ERI1: variants seen among roughly 807,000 people sequenced by gnomAD.
ERI1 encodes 3'-5' exoribonuclease 1.
In ERI1, 39 loss-of-function variants were observed where a neutral mutation model predicts 39.7. The observed-to-expected ratio is 0.98, with a 90% confidence interval of 0.76 to 1.28. ERI1 has a LOEUF of 1.28. Ranked by LOEUF, ERI1 falls within the 50% of genes most tolerant of loss-of-function variation. ERI1 has a pLI of 0.00. For synonymous variants in ERI1, 204 were observed against 149.6 expected, an observed-to-expected ratio of 1.36 and a Z score of -2.65; for missense variants, 581 against 416.9, an observed-to-expected ratio of 1.39 and a Z score of -3.43.
At chr8:9,086,602 A>C (rs1799535338) in intron 3 of ERI1, among the ~76,000 whole-genome samples, 1 of 152,192 alleles carries the variant, frequency 6.6e-6, no homozygotes, top group African/African-American at 2.4e-5. Context: ...TTGACTCTTA[A>C]GAATGCATTG....
At position 9,016,301 on chromosome 8, in the gene ERI1, C is replaced by G. The variant is rs756530368; in HGVS notation, c.499-21C>G. On this transcript the variant is annotated intron_variant, in intron 3 of 6. Transcript: ENST00000250263. Reference sequence around the variant, plus strand: ...TCTTAACTCATATAAATTACTTTAACTTGCTATCCTTCCCTTGCAGGAAGA... The same window carrying G: ...TCTTAACTCATATAAATTACTTTAAGTTGCTATCCTTCCCTTGCAGGAAGA... The G allele has an allele frequency of 2.0e-6, 3 of 1,517,908 alleles. No homozygotes were observed. In the African/African-American group the frequency reaches 4.2e-5, roughly 21 times the overall value. 94.0% of individuals were successfully genotyped at this position (1,517,908 alleles called of 1,614,324 possible).
intron 3 of ERI1, among the ~76,000 whole-genome samples, chr8:9,048,901 C>G (rs1281709763): frequency 6.6e-6 from 1 of 152,064 alleles, no homozygotes; most frequent in Non-Finnish European, 1.5e-5. Flanking sequence ...TCCCCTCAGC[C>G]TCCCAAAGTG....
At chr8:9,086,721 A>G (rs1350624727) in intron 3 of ERI1, among the ~76,000 whole-genome samples, 1 of 152,226 alleles carries the variant, frequency 6.6e-6, no homozygotes, top group Non-Finnish European at 1.5e-5. Flanking sequence ...CTACCTAATC[A>G]AAGTGGTTAA....
chr8:9,060,454 G>A (rs575858654), intron 3 of ERI1, among the ~76,000 whole-genome samples: 23 of 152,208 alleles, frequency 1.5e-4, no homozygotes, highest in East Asian at 7.7e-4. Flanking sequence ...GGAGGGGGCC[G>A]GAACAATCCC....
intron 3 of ERI1, among the ~76,000 whole-genome samples, chr8:9,083,113 C>G (rs1173508907): frequency 6.6e-6 from 1 of 152,070 alleles, no homozygotes; most frequent in African/African-American, 2.4e-5. Flanking sequence ...GCTGATAACC[C>G]TAGAAAAGCC....
At chr8:9,007,604 A>G (rs1451595505) in intron 1 of ERI1, among the ~76,000 whole-genome samples, 1 of 152,182 alleles carries the variant, frequency 6.6e-6, no homozygotes, top group East Asian at 1.9e-4. Flanking sequence ...CATTTTATAG[A>G]TAAGGAAATT....
intron 3 of ERI1, chr8:9,088,430 A>G (rs1799594231): frequency 6.6e-6 from 1 of 152,224 alleles, no homozygotes; most frequent in African/African-American, 2.4e-5. Flanking sequence ...CATTCTGCTA[A>G]AGCTCTCGAC....
chr8:9,095,993 C>A (rs975312499), intron 3 of ERI1, among the ~76,000 whole-genome samples: 3 of 152,172 alleles, frequency 2.0e-5, no homozygotes, highest in Non-Finnish European at 4.4e-5. Flanking sequence ...CCCCTTGCGT[C>A]ATAGGCTGAC....
intron 6 of ERI1, among the ~76,000 whole-genome samples, chr8:9,022,007 A>T (rs1213905283): frequency 6.6e-6 from 1 of 151,474 alleles, no homozygotes; most frequent in Non-Finnish European, 1.5e-5. Flanking sequence ...TTCTAAGAAA[A>T]ACCTAAGAGT....
intron 3 of ERI1, among the ~76,000 whole-genome samples, chr8:9,094,047 A>G (rs1258224753): frequency 6.6e-6 from 1 of 152,064 alleles, no homozygotes; most frequent in African/African-American, 2.4e-5. Flanking sequence ...AGCTTCAACT[A>G]TTACTAATAA....
At chr8:9,097,102 C>G in intron 3 of ERI1, among the ~76,000 whole-genome samples, 1 of 152,240 alleles carries the variant, frequency 6.6e-6, no homozygotes, top group East Asian at 1.9e-4. Context: ...CCTTTCTTCT[C>G]TCTTCCCATT....
intron 3 of ERI1, among the ~76,000 whole-genome samples, chr8:9,060,567 G>A (rs918425401): frequency 2.0e-5 from 3 of 152,136 alleles, no homozygotes; most frequent in Non-Finnish European, 2.9e-5. Context: ...ACGGGCTAGC[G>A]GCTTGTAACC....
chr8:9,094,317 C>G (rs572472040), intron 3 of ERI1, among the ~76,000 whole-genome samples: 7 of 152,296 alleles, frequency 4.6e-5, no homozygotes, highest in Non-Finnish European at 8.8e-5. Flanking sequence ...GGATCATGCC[C>G]TCATTCTCAG....
intron 3 of ERI1, among the ~76,000 whole-genome samples, chr8:9,092,100 G>A (rs1799725877): frequency 6.6e-6 from 1 of 152,132 alleles, no homozygotes; most frequent in Non-Finnish European, 1.5e-5. Flanking sequence ...AGGACTACAG[G>A]CACGTGCCAC....
rs1195368878 is a variant in ERI1 at position 9,030,822 on chromosome 8, G to C, written c.*788G>C. Reference sequence around the variant, plus strand: ...ATCTGAGGGACCATGCTTTGAAATAGACTGAAAATTAAGGGTCACCACCTA... The same window carrying C: ...ATCTGAGGGACCATGCTTTGAAATACACTGAAAATTAAGGGTCACCACCTA... On this transcript the variant is annotated 3_prime_UTR_variant, in exon 7 of 7. Coordinates refer to ENST00000250263, the MANE Select transcript of ERI1 (RefSeq NM_153332.4). The C allele has an allele frequency of 2.0e-5, 3 of 152,082 alleles. No homozygotes were observed. The highest frequency in any genetic ancestry group is 7.2e-5 in the African/African-American group (3 of 41,426). 9.4% of individuals were successfully genotyped at this position (152,082 alleles called of 1,614,324 possible).
intron 3 of ERI1, among the ~76,000 whole-genome samples, chr8:9,013,021 C>CTT (rs35229644): frequency 1.5e-4 from 23 of 149,842 alleles, no homozygotes; most frequent in South Asian, 4.2e-4. Context: ...ACCATTCTCA[C>CTT]TTTTTTTTTT....
intron 3 of ERI1, among the ~76,000 whole-genome samples, chr8:9,039,660 CT>C (rs1175565695): frequency 6.6e-6 from 1 of 152,094 alleles, no homozygotes; most frequent in African/African-American, 2.4e-5. Context: ...AGGTATTTGG[CT>C]TTTGGCAGAA....
chr8:9,027,136 G>GGTGTGTGT (rs780775904), intron 6 of ERI1, among the ~76,000 whole-genome samples: 9,779 of 137,422 alleles, frequency 0.071, 410 homozygotes, highest in Non-Finnish European at 0.087. Flanking sequence ...GTTATTTTCT[G>GGTGTGTGT]GTGTGTGTGT....
At chr8:9,005,072 T>G (rs1226846169) in intron 1 of ERI1, among the ~76,000 whole-genome samples, 3 of 152,206 alleles carry the variant, frequency 2.0e-5, no homozygotes, top group Admixed American at 6.5e-5. Flanking sequence ...GCTAGTTGTC[T>G]TTGTAAACTA....
Sources: gnomAD v4.1 joint callset for allele counts (sites outside exome capture counted in the v4.1 genomes callset) on GRCh38, gnomAD v4.1.1 for gene constraint, MANE v1.5 for transcripts, NCBI Gene and HGNC (gene_info 2026-07-23, HGNC 2026-07-21) for gene names.